The following FGF23 variants were observed in gnomAD, a reference collection of about 807,000 sequenced individuals.
FGF23 encodes phosphatonin.
FGF23 carries 8 observed loss-of-function variants against 9.0 expected under a neutral mutation model. That is an observed-to-expected ratio of 0.89 (90% CI 0.52 to 1.60). The LOEUF (loss-of-function observed/expected upper bound fraction) is 1.60, where lower values mean the gene tolerates loss of function less well. Ranked by LOEUF, FGF23 falls within the 40% of genes most tolerant of loss-of-function variation. The pLI, the probability that FGF23 is intolerant of heterozygous loss-of-function variation, is 0.00. For missense variants in FGF23, 311 were observed against 344.3 expected (o/e 0.90, Z 0.77); for synonymous variants, 118 against 146.2 (o/e 0.81, Z 1.39).
At position 4,369,350 on chromosome 12, in the gene FGF23, C is replaced by T. The variant is rs1412810774; in HGVS notation, c.*993G>A. ...AGCAGTCCCAGTCTCTCAAAGCCCC[C>T]TTCCCAGTCACATTTTTGTAGTTTG... On this transcript the variant is annotated 3_prime_UTR_variant, in exon 3 of 3. Coordinates refer to ENST00000237837, the MANE Select transcript of FGF23 (RefSeq NM_020638.3). The T allele has an allele frequency of 4.3e-6, 1 of 231,714 alleles. No homozygotes were observed. Among genetic ancestry groups the T allele is most frequent in the African/African-American group, 2.2e-5 (1 of 45,254 alleles). 14.4% of individuals were successfully genotyped at this position (231,714 alleles called of 1,614,324 possible).
Position 4,369,970 on chromosome 12 carries a change from C to CTT in FGF23, c.*371_*372dup, listed in dbSNP as rs58735464. On this transcript the variant is annotated 3_prime_UTR_variant, in exon 3 of 3. Transcript: ENST00000237837. ...AAGTCTTGAGCTCAGGAACCCACTG[C>CTT]TTTTTTTTTTTTTTTTTTTTTTTTT... The CTT allele has an allele frequency of 3.8e-3, 344 of 90,996 alleles. 26 individuals carry two copies. Among genetic ancestry groups the CTT allele is most frequent in the African/African-American group, 0.023 (306 of 13,290 alleles). The allele number at this position is 90,996 out of a possible 1,614,324, so 5.6% of individuals were successfully genotyped here. A position where few individuals can be genotyped will look rare whatever the true frequency, so the allele number is the denominator to read the frequency against.
intron 2 of FGF23, among the ~76,000 whole-genome samples, chr12:4,371,036 G>A (rs1230045410): frequency 3.3e-5 from 5 of 152,210 alleles, no homozygotes; most frequent in African/African-American, 1.2e-4. Flanking sequence ...GCCCGGGCTG[G>A]CCTGGCCTGT....
rs202230340 is a variant in FGF23, at chr12:4,379,361, G to A, written c.211+11C>T. ...GTGCTCCCCTTCTTCCCAGCCTGAA[G>A]CCCTACTCACTGTAGATGGTCTGAT... On this transcript the variant is annotated intron_variant, in intron 1 of 2. Coordinates refer to ENST00000237837, the MANE Select transcript of FGF23 (RefSeq NM_020638.3). The A allele has an allele frequency of 1.2e-5, 20 of 1,607,554 alleles. No homozygotes were observed. In the South Asian group the frequency reaches 1.9e-4, roughly 15 times the overall value.
rs1865074935 is a variant in FGF23 at position 4,372,490 on chromosome 12, G to A, written c.315+104C>T. On this transcript the variant is annotated intron_variant, in intron 2 of 2. Transcript: ENST00000237837. ...AAGTATCAGTGGAAACAGGTCACCA[G>A]GGTACACTGCAAATGGAATTGTTAA... 3.9e-6 allele frequency: 3 copies of A among 764,686 alleles called. No individual in the cohort carries two copies. In the South Asian group the frequency reaches 4.3e-5, roughly 11 times the overall value. The allele number at this position is 764,686 out of a possible 1,614,324, so 47.4% of individuals were successfully genotyped here.
intron 1 of FGF23, 99 bp downstream of exon 1, chr12:4,379,273 G>T (rs1865151560): frequency 9.7e-7 from 1 of 1,030,376 alleles, no homozygotes; most frequent in East Asian, 2.4e-5. Context: ...AGCTAGGAGG[G>T]TTGGATTAGC....
intron 1 of FGF23, among the ~76,000 whole-genome samples, chr12:4,374,736 G>A (rs778188999): frequency 2.6e-5 from 4 of 151,846 alleles, no homozygotes; most frequent in African/African-American, 9.7e-5. Context: ...GTCTTTGAGC[G>A]GTTGCACTCT....
Position 4,369,927 on chromosome 12 carries a change from C to T in FGF23, c.*416G>A. On this transcript the variant is annotated 3_prime_UTR_variant, in exon 3 of 3. Transcript: ENST00000237837. ...AGAAGCTTCTGGGATCTCCGATTTC[C>T]TCTTCCCTACACCTTCAAAGTCTTG... 4.5e-6 allele frequency: 1 copy of T among 222,922 alleles called. No individual in the cohort carries two copies. Among genetic ancestry groups the T allele is most frequent in the East Asian group, 6.5e-5 (1 of 15,296 alleles). The allele number at this position is 222,922 out of a possible 1,614,324, so 13.8% of individuals were successfully genotyped here.
chr12:4,370,132 T>C lies in FGF23; in HGVS notation c.*211A>G, dbSNP rs1865044817. 3.4e-6 allele frequency: 2 copies of C among 591,024 alleles called. No homozygotes were observed. The allele number at this position is 591,024 out of a possible 1,614,324, so 36.6% of individuals were successfully genotyped here. A position where few individuals can be genotyped will look rare whatever the true frequency, so the allele number is the denominator to read the frequency against. ...GGGTTTCCTATTGGGAAAGGTGTTC[T>C]ATATGGAGTGAGGAAGGCGGTGAAA... On this transcript the variant is annotated 3_prime_UTR_variant, in exon 3 of 3. Transcript: ENST00000237837.
chr12:4,376,606 C>T (rs1402337880), intron 1 of FGF23, among the ~76,000 whole-genome samples: 3 of 152,016 alleles, frequency 2.0e-5, no homozygotes, highest in African/African-American at 7.2e-5. Context: ...ACTGCAAGCT[C>T]CACCTCTGGG....
chr12:4,379,336 G>A (rs117248733), intron 1 of FGF23, 36 bp downstream of exon 1: 3 of 1,578,916 alleles, frequency 1.9e-6, no homozygotes, highest in Non-Finnish European at 2.6e-6. Context: ...GACAACAAGG[G>A]TGCTCCCCTT....
chr12:4,372,726 C>G (rs376950356), intron 1 of FGF23, 29 bp from the exon 2 acceptor site: 2 of 1,426,886 alleles, frequency 1.4e-6, no homozygotes, highest in Admixed American at 1.7e-5. Flanking sequence ...AGGGCAAAGA[C>G]TCATTGCCAT....
intron 1 of FGF23, among the ~76,000 whole-genome samples, 167 bp downstream of exon 1, chr12:4,379,205 A>G (rs1443570901): frequency 2.0e-5 from 3 of 149,556 alleles, no homozygotes; most frequent in Non-Finnish European, 4.5e-5. Flanking sequence ...ACACACGCAC[A>G]CACACACACA....
In FGF23 at chr12:4,368,579, C is replaced by T. The variant is rs780145979; in HGVS notation, c.*1764G>A. On this transcript the variant is annotated 3_prime_UTR_variant, in exon 3 of 3. Transcript: ENST00000237837. ...TAAATAAATAAATACTGCCACATGA[C>T]GAGGGATATAAGAAATTGTAGGAGC... 2.1e-5 allele frequency: 4 copies of T among 192,348 alleles called. No individual in the cohort carries two copies. Among genetic ancestry groups the T allele is most frequent in the South Asian group, 1.9e-4 (1 of 5,158 alleles). The allele number at this position is 192,348 out of a possible 1,614,324, so 11.9% of individuals were successfully genotyped here.
At chr12:4,377,201 T>C (rs1265935464) in intron 1 of FGF23, among the ~76,000 whole-genome samples, 3 of 151,940 alleles carry the variant, frequency 2.0e-5, no homozygotes, top group Non-Finnish European at 4.4e-5. Context: ...GCCCAGGAGG[T>C]TGACTCTTCA....
chr12:4,371,307 A>G (rs1865062055), intron 2 of FGF23, among the ~76,000 whole-genome samples: 1 of 152,184 alleles, frequency 6.6e-6, no homozygotes, highest in African/African-American at 2.4e-5. Flanking sequence ...TATTTCTTTT[A>G]ATCCTCAAGC....
At chr12:4,372,204 A>G (rs1165838113) in intron 2 of FGF23, among the ~76,000 whole-genome samples, 1 of 147,182 alleles carries the variant, frequency 6.8e-6, no homozygotes, top group Non-Finnish European at 1.5e-5. Flanking sequence ...GAGGGATAGC[A>G]TTGGGAGATA....
chr12:4,378,411 C>CA (rs551109269), intron 1 of FGF23, among the ~76,000 whole-genome samples: 10 of 152,118 alleles, frequency 6.6e-5, no homozygotes, highest in Non-Finnish European at 1.3e-4. Context: ...GGTGTTTTCT[C>CA]ACGTTTTCTT....
chr12:4,374,603 T>C (rs1240654027), intron 1 of FGF23, among the ~76,000 whole-genome samples: 1 of 151,360 alleles, frequency 6.6e-6, no homozygotes, highest in Non-Finnish European at 1.5e-5. Flanking sequence ...TAAGCCGAGA[T>C]TGCACCACTG....
intron 1 of FGF23, among the ~76,000 whole-genome samples, chr12:4,376,004 G>T (rs970835598): frequency 6.6e-6 from 1 of 152,198 alleles, no homozygotes; most frequent in Non-Finnish European, 1.5e-5. Context: ...AAGGCTGAAG[G>T]AGCTCAGCGG....
Sources: gnomAD v4.1 joint callset for allele counts (sites outside exome capture counted in the v4.1 genomes callset) on GRCh38, gnomAD v4.1.1 for gene constraint, MANE v1.5 for transcripts, NCBI Gene and HGNC (gene_info 2026-07-23, HGNC 2026-07-21) for gene names.